Variants in PKHD1 observed in about 807,000 individuals in gnomAD.
The protein encoded by PKHD1 is PKHD1 ciliary IPT domain containing fibrocystin/polyductin.
A neutral mutation model predicts 412.0 loss-of-function variants in PKHD1; 291 were observed. That is an observed-to-expected ratio of 0.71 (90% CI 0.64 to 0.78). The LOEUF (loss-of-function observed/expected upper bound fraction) is 0.78, where lower values mean the gene tolerates loss of function less well. PKHD1 is among the 30% of genes least tolerant of loss of function. The probability of loss-of-function intolerance (pLI) is 0.00; values close to 1 mark genes in which losing one functional copy is unlikely to be tolerated. For synonymous variants in PKHD1, 1,777 were observed against 1,821.5 expected (o/e 0.98, Z 0.62); for missense variants, 4,825 against 4,950.7 (o/e 0.97, Z 0.76).
At chr6:51,698,802 A>C (rs183094833) in intron 60 of PKHD1, among the ~76,000 whole-genome samples, 1 of 152,354 alleles carries the variant, frequency 6.6e-6, no homozygotes, top group African/African-American at 2.4e-5. Flanking sequence ...CAGAGGGGGA[A>C]GTCCCCATAA....
At chr6:51,775,224 T>C (rs1790814781) in intron 54 of PKHD1, among the ~76,000 whole-genome samples, 1 of 151,810 alleles carries the variant, frequency 6.6e-6, no homozygotes, top group Admixed American at 6.6e-5. Context: ...GTTATCCCTC[T>C]TTACTTATAA....
At chr6:51,640,165 A>G (rs1378569367) in intron 63 of PKHD1, among the ~76,000 whole-genome samples, 1 of 152,244 alleles carries the variant, frequency 6.6e-6, no homozygotes, top group Non-Finnish European at 1.5e-5. Context: ...CAGATGTTCA[A>G]CATGAAATCA....
chr6:51,881,885 A>C (rs552223261), intron 46 of PKHD1, among the ~76,000 whole-genome samples: 1 of 152,312 alleles, frequency 6.6e-6, no homozygotes, highest in East Asian at 1.9e-4. Flanking sequence ...GCACTTACTT[A>C]AGAGACTGAA....
At chr6:51,884,486 G>A (rs1354184513) in intron 45 of PKHD1, among the ~76,000 whole-genome samples, 1 of 151,902 alleles carries the variant, frequency 6.6e-6, no homozygotes, top group Non-Finnish European at 1.5e-5. Flanking sequence ...CTTCTTTTTT[G>A]GTATAGTTCG....
chr6:51,658,572 AG>A (rs991146927), intron 61 of PKHD1, among the ~76,000 whole-genome samples: 4 of 152,168 alleles, frequency 2.6e-5, no homozygotes, highest in Non-Finnish European at 4.4e-5. Flanking sequence ...CAGTAGCAAC[AG>A]AATAACATCT....
intron 39 of PKHD1, 23 bp from the exon 40 acceptor site, chr6:51,909,497 G>A: frequency 6.3e-7 from 1 of 1,592,730 alleles, no homozygotes; most frequent in Non-Finnish European, 8.6e-7. Context: ...ATAAAGTCCA[G>A]AGAACCTAAA....
chr6:51,760,976 T>C (rs1288814153), intron 55 of PKHD1, among the ~76,000 whole-genome samples: 1 of 152,110 alleles, frequency 6.6e-6, no homozygotes, highest in Non-Finnish European at 1.5e-5. Flanking sequence ...CCTTGCATAC[T>C]GTTAGTAGAA....
intron 55 of PKHD1, among the ~76,000 whole-genome samples, chr6:51,766,505 A>G (rs1789037335): frequency 6.6e-6 from 1 of 152,090 alleles, no homozygotes; most frequent in Admixed American, 6.6e-5. Flanking sequence ...TTTAATTAAT[A>G]TTCAATTCTA....
chr6:51,914,458 G>C (rs1019040816), intron 37 of PKHD1, among the ~76,000 whole-genome samples: 7 of 152,022 alleles, frequency 4.6e-5, no homozygotes, highest in African/African-American at 1.7e-4. Flanking sequence ...CATATTTCTA[G>C]CTACATAGTA....
At chr6:51,686,622 T>A (rs1476128641) in intron 60 of PKHD1, among the ~76,000 whole-genome samples, 4 of 152,306 alleles carry the variant, frequency 2.6e-5, no homozygotes, top group African/African-American at 9.6e-5. Flanking sequence ...TTTACTTATT[T>A]ATTATGTATA....
rs768556320 is a variant in PKHD1, at chr6:52,058,582, C to T, written c.1253G>A (p.Ser418Asn). The T allele has an allele frequency of 3.1e-5, 50 of 1,614,124 alleles. No individual in the cohort carries two copies. Among genetic ancestry groups the T allele is most frequent in the Non-Finnish European group, 4.2e-5 (50 of 1,180,022 alleles). The change falls in exon 16 of 67, where the codon AGC becomes AAC. Residue 418 changes from serine to asparagine, a missense_variant. By Grantham distance (46) the Ser-to-Asn change is conservative. Transcript: ENST00000371117. ...PRTKVKVASI[S>N]VGTADWFDSW... ...GTCAAACCAGTCAGCAGTGCCGACG[C>T]TGATGGAGGCCACTTTCACCTATGC...
chr6:51,957,905 A>C (rs1477718561), intron 36 of PKHD1, among the ~76,000 whole-genome samples: 1 of 152,070 alleles, frequency 6.6e-6, no homozygotes, highest in Non-Finnish European at 1.5e-5. Flanking sequence ...CAGAAGTTTT[A>C]GTCTTTTACA....
intron 42 of PKHD1, 117 bp from the exon 43 acceptor site, chr6:51,903,844 T>C: frequency 2.6e-6 from 1 of 378,494 alleles, no homozygotes; most frequent in Non-Finnish European, 4.6e-6. Flanking sequence ...TATATATATA[T>C]ATATATATAT....
At position 52,065,039 on chromosome 6, in the gene PKHD1, C is replaced by T; in HGVS notation, c.892G>A (p.Asp298Asn). ...TTCCTGGGAGACACGTGTCTAATAT[C>T]ACATGGAATGCCTAAAGCGAATTAA... ...AQVTIAGIPCDIRHVSPRKIE... is the reference protein window; with the variant it reads ...AQVTIAGIPCNIRHVSPRKIE... Residue 298 changes from aspartate to asparagine, a missense_variant, in exon 13 of 67, where the codon GAT becomes AAT. Transcript: ENST00000371117. 2 of 1,587,056 alleles carry T rather than the reference C, an allele frequency of 1.3e-6. No homozygotes were observed. The highest frequency in any genetic ancestry group is 1.7e-6 in the Non-Finnish European group (2 of 1,165,784).
chr6:51,784,065 G>A (rs757952581), intron 53 of PKHD1, among the ~76,000 whole-genome samples: 5 of 152,100 alleles, frequency 3.3e-5, no homozygotes, highest in Non-Finnish European at 7.4e-5. Context: ...AATGCAGTAG[G>A]TACTAGGGTT....
At position 52,011,162 on chromosome 6, in the gene PKHD1, C is replaced by A. The variant is rs556341745; in HGVS notation, c.5601-703G>T. Among the ~76,000 whole-genome samples, 24 of 152,246 alleles carry A rather than the reference C, an allele frequency of 1.6e-4. No homozygotes were observed. The South Asian group carries it at 2.9e-3, about 18-fold the overall frequency. On this transcript the variant is annotated intron_variant, in intron 34 of 66. Coordinates refer to ENST00000371117, the MANE Select transcript of PKHD1 (RefSeq NM_138694.4). ...TCTTGCTTTAAGGGGAGAAGCCAGA[C>A]TGGATTTAAAATAAAAAACAGCAGT...
chr6:52,009,431 C>T (rs1010503321), intron 35 of PKHD1, among the ~76,000 whole-genome samples: 5 of 152,226 alleles, frequency 3.3e-5, no homozygotes, highest in Admixed American at 6.5e-5. Flanking sequence ...ACTGCAGCAG[C>T]ATTCACAAGA....
intron 43 of PKHD1, among the ~76,000 whole-genome samples, chr6:51,901,631 T>G (rs1781308522): frequency 1.3e-5 from 2 of 148,574 alleles, no homozygotes; most frequent in African/African-American, 2.5e-5. Flanking sequence ...GTAACTAACA[T>G]GCACAATGTG....
chr6:51,710,245 A>G (rs1272155429), intron 60 of PKHD1, among the ~76,000 whole-genome samples: 1 of 152,170 alleles, frequency 6.6e-6, no homozygotes. Flanking sequence ...ATAGAATTGA[A>G]TTAAAGTTCA....
Sources: allele counts gnomAD v4.1 joint callset (sites outside exome capture counted in the v4.1 genomes callset), GRCh38; gene constraint gnomAD v4.1.1; transcripts MANE v1.5; gene names NCBI Gene and HGNC (gene_info 2026-07-23, HGNC 2026-07-21).